ZMAT4: variants seen among roughly 807,000 people sequenced by gnomAD.
ZMAT4 encodes zinc finger matrin-type 4, also known as zinc finger matrin-type protein 4.
A neutral mutation model predicts 28.7 loss-of-function variants in ZMAT4; 17 were observed. The observed-to-expected ratio is 0.59, with a 90% CI of 0.41 to 0.89. The LOEUF is 0.89. Ranked by LOEUF, ZMAT4 falls within the 40% of genes least tolerant of loss-of-function variation. The pLI, the probability that ZMAT4 is intolerant of heterozygous loss-of-function variation, is 0.00. For synonymous variants in ZMAT4, 117 were observed against 109.2 expected (o/e 1.07, Z -0.44); for missense variants, 240 against 283.8 (o/e 0.85, Z 1.11).
At chr8:40,628,855 C>A (rs1458045095) in intron 5 of ZMAT4, among the ~76,000 whole-genome samples, 2 of 152,120 alleles carry the variant, frequency 1.3e-5, no homozygotes, top group Non-Finnish European at 2.9e-5. Context: ...CAACATAGAT[C>A]TCTACTATAC....
intron 3 of ZMAT4, among the ~76,000 whole-genome samples, chr8:40,750,118 C>G (rs1440164400): frequency 6.6e-6 from 1 of 152,152 alleles, no homozygotes; most frequent in African/African-American, 2.4e-5. Context: ...CTCAGCATGA[C>G]CTGCACCAAA....
intron 1 of ZMAT4, among the ~76,000 whole-genome samples, chr8:40,880,170 C>A (rs1215254045): frequency 5.3e-5 from 8 of 152,140 alleles, no homozygotes; most frequent in Non-Finnish European, 1.2e-4. Context: ...GAGTTCAAGA[C>A]CAGCCTGGCC....
At chr8:40,683,284 A>C (rs1809256915) in intron 4 of ZMAT4, among the ~76,000 whole-genome samples, 1 of 152,188 alleles carries the variant, frequency 6.6e-6, no homozygotes. Flanking sequence ...GGATCTGAAA[A>C]TCAGTTATTT....
At chr8:40,587,104 A>G (rs1804694715) in intron 5 of ZMAT4, among the ~76,000 whole-genome samples, 1 of 151,178 alleles carries the variant, frequency 6.6e-6, no homozygotes, top group Non-Finnish European at 1.5e-5. Context: ...AGGAACAAAA[A>G]GTGATAAAAG....
intron 5 of ZMAT4, among the ~76,000 whole-genome samples, chr8:40,674,126 A>C (rs1585858519): frequency 8.4e-6 from 1 of 118,980 alleles, no homozygotes; most frequent in Non-Finnish European, 1.6e-5. Context: ...ACAGAGTCTC[A>C]CTCTGTTGCC....
At chr8:40,866,796 C>T (rs893294808) in intron 1 of ZMAT4, among the ~76,000 whole-genome samples, 1 of 152,182 alleles carries the variant, frequency 6.6e-6, no homozygotes, top group African/African-American at 2.4e-5. Context: ...ACAGGATACA[C>T]ATATAAACAT....
chr8:40,701,642 T>C (rs908590751), intron 3 of ZMAT4, among the ~76,000 whole-genome samples: 1 of 149,884 alleles, frequency 6.7e-6, no homozygotes, highest in African/African-American at 2.5e-5. Context: ...CTCAGCCTCC[T>C]GAGTAGCTGG....
At chr8:40,851,675 C>A (rs1395776128) in intron 1 of ZMAT4, among the ~76,000 whole-genome samples, 1 of 152,118 alleles carries the variant, frequency 6.6e-6, no homozygotes, top group African/African-American at 2.4e-5. Flanking sequence ...GTACAGTGAC[C>A]AGATCAGGGT....
At chr8:40,722,732 C>A (rs1415031442) in intron 3 of ZMAT4, among the ~76,000 whole-genome samples, 5 of 152,098 alleles carry the variant, frequency 3.3e-5, no homozygotes, top group Admixed American at 6.6e-5. Context: ...GGAGGAGGAA[C>A]CTGCGGGGAT....
chr8:40,805,048 A>C (rs894150590), intron 2 of ZMAT4, among the ~76,000 whole-genome samples: 4 of 151,424 alleles, frequency 2.6e-5, no homozygotes, highest in Non-Finnish European at 5.9e-5. Flanking sequence ...CAACCTACTC[A>C]TCTGACAAAG....
intron 5 of ZMAT4, among the ~76,000 whole-genome samples, chr8:40,589,308 C>G (rs1468273621): frequency 6.6e-6 from 1 of 152,102 alleles, no homozygotes; most frequent in Non-Finnish European, 1.5e-5. Flanking sequence ...GGTTTTGAAC[C>G]CACACATTCT....
At chr8:40,845,648 C>T (rs1816859844) in intron 1 of ZMAT4, among the ~76,000 whole-genome samples, 1 of 151,538 alleles carries the variant, frequency 6.6e-6, no homozygotes, top group Non-Finnish European at 1.5e-5. Flanking sequence ...AGTGAGAACC[C>T]CAAGAGACCA....
rs184336376 is a variant in ZMAT4 at position 40,539,020 on chromosome 8, G to A, written c.675-6782C>T. ...AGGCTGGTCTTGATCTCCTGACCTC[G>A]TGATCCACCCGCCTTGGCCTCCCAA... On this transcript the variant is annotated intron_variant, in intron 6 of 6. Transcript: ENST00000297737. Among the ~76,000 whole-genome samples, 630 of 152,118 alleles carry A rather than the reference G, an allele frequency of 4.1e-3. 6 individuals carry two copies. The highest frequency in any genetic ancestry group is 0.01 in the African/African-American group (421 of 41,528).
At chr8:40,771,297 T>C (rs1813379981) in intron 2 of ZMAT4, among the ~76,000 whole-genome samples, 2 of 150,514 alleles carry the variant, frequency 1.3e-5, no homozygotes, top group Non-Finnish European at 3.0e-5. Flanking sequence ...TGATTACAAT[T>C]ACACAAAAGT....
chr8:40,560,823 A>G (rs1206235827), intron 6 of ZMAT4, among the ~76,000 whole-genome samples: 1 of 152,166 alleles, frequency 6.6e-6, no homozygotes, highest in Non-Finnish European at 1.5e-5. Flanking sequence ...AGACATCGCC[A>G]GCCAATGAAC....
intron 2 of ZMAT4, among the ~76,000 whole-genome samples, chr8:40,779,511 G>A (rs1487511587): frequency 1.3e-5 from 2 of 152,158 alleles, no homozygotes; most frequent in Admixed American, 6.5e-5. Flanking sequence ...AGAGCTGAGA[G>A]GGGACTGCCG....
chr8:40,567,700 C>CA (rs576543188), intron 6 of ZMAT4, among the ~76,000 whole-genome samples: 2,455 of 105,042 alleles, frequency 0.023, 45 homozygotes, highest in African/African-American at 0.075. Flanking sequence ...AAGACTGTCT[C>CA]AAAAAAAAAA....
At chr8:40,722,841 A>G (rs7009483) in intron 3 of ZMAT4, among the ~76,000 whole-genome samples, 41,532 of 151,904 alleles carry the variant, frequency 0.27, 6,565 homozygotes, top group East Asian at 0.56. Flanking sequence ...GCTCACATAC[A>G]TCTCCACCTG....
chr8:40,577,712 T>C (rs72636926), intron 6 of ZMAT4, among the ~76,000 whole-genome samples: 1 of 152,008 alleles, frequency 6.6e-6, no homozygotes, highest in South Asian at 2.1e-4. Flanking sequence ...TATAAATATA[T>C]ATCAAAATAT....
Sources: gnomAD v4.1 joint callset for allele counts (sites outside exome capture counted in the v4.1 genomes callset) on GRCh38, gnomAD v4.1.1 for gene constraint, MANE v1.5 for transcripts, NCBI Gene and HGNC (gene_info 2026-07-23, HGNC 2026-07-21) for gene names.